Variants in CLYBL observed in about 807,000 individuals in gnomAD.
CLYBL encodes the protein citramalyl-CoA lyase, mitochondrial.
Under a neutral mutation model 38.9 loss-of-function variants are expected in CLYBL, and 31 were observed. That is an observed-to-expected ratio of 0.80 (90% confidence interval 0.60 to 1.08). CLYBL has a LOEUF of 1.08. CLYBL is among the 50% of genes least tolerant of loss of function. The pLI, the probability that CLYBL is intolerant of heterozygous loss-of-function variation, is 0.00. For missense variants in CLYBL, 434 were observed against 411.6 expected (o/e 1.05, Z -0.47); for synonymous variants, 171 against 158.6 (o/e 1.08, Z -0.59).
rs543321109 is a variant in CLYBL, at chr13:99,713,789, T to A, written c.63-59035T>A. The stretch of plus-strand genomic sequence containing the variant: ...GCCTCAACCTCCTGGGCTCAAATGA[T>A]CCTCCTGCCTCAGCCTCCCAAGTAG... On this transcript the variant is annotated intron_variant, in intron 1 of 8. Coordinates refer to ENST00000339105, the MANE Select transcript of CLYBL (RefSeq NM_206808.5). 1.5e-4 allele frequency among the ~76,000 whole-genome samples: 23 copies of A among 151,700 alleles called. No individual in the cohort carries two copies. The South Asian group carries it at 4.6e-3, about 30-fold the overall frequency.
chr13:99,729,935 T>TACCACC (rs2048552734), intron 1 of CLYBL, among the ~76,000 whole-genome samples: 1 of 96,984 alleles, frequency 1.0e-5, no homozygotes, highest in Non-Finnish European at 2.3e-5. Flanking sequence ...CTGGTGCACC[T>TACCACC]GCCACCGTCG....
At chr13:99,831,160 G>T (rs1041799674) in intron 2 of CLYBL, among the ~76,000 whole-genome samples, 2 of 152,184 alleles carry the variant, frequency 1.3e-5, no homozygotes, top group Admixed American at 6.5e-5. Context: ...AGGAGGATCC[G>T]CTAGAGAGGG....
At chr13:99,692,408 C>T (rs1455981555) in intron 1 of CLYBL, among the ~76,000 whole-genome samples, 1 of 152,034 alleles carries the variant, frequency 6.6e-6, no homozygotes, top group Non-Finnish European at 1.5e-5. Context: ...TCCCCGGCCT[C>T]AGCCTCCCTA....
At chr13:99,841,206 C>G (rs1157474100) in intron 2 of CLYBL, among the ~76,000 whole-genome samples, 1 of 152,084 alleles carries the variant, frequency 6.6e-6, no homozygotes, top group East Asian at 1.9e-4. Context: ...ATTCAGCAAC[C>G]TGAAGAGCAC....
chr13:99,806,736 T>C (rs536482299), intron 2 of CLYBL, among the ~76,000 whole-genome samples: 1 of 152,370 alleles, frequency 6.6e-6, no homozygotes, highest in East Asian at 1.9e-4. Context: ...TGTTATTATG[T>C]AGAGCCATTC....
At chr13:99,654,186 GA>G (rs2047295237) in intron 1 of CLYBL, among the ~76,000 whole-genome samples, 1 of 152,180 alleles carries the variant, frequency 6.6e-6, no homozygotes. Flanking sequence ...TTTGACCCAT[GA>G]ATACACTCAG....
chr13:99,686,463 C>T (rs549938860), intron 1 of CLYBL, among the ~76,000 whole-genome samples: 1 of 152,106 alleles, frequency 6.6e-6, no homozygotes, highest in African/African-American at 2.4e-5. Flanking sequence ...CTTTGAGAGA[C>T]ACTCTCGAGG....
chr13:99,799,398 C>CACACACACAT (rs1342567514), intron 2 of CLYBL, among the ~76,000 whole-genome samples: 12 of 152,160 alleles, frequency 7.9e-5, no homozygotes, highest in African/African-American at 2.7e-4. Flanking sequence ...CACACATACA[C>CACACACACAT]ACACACTTAA....
intron 2 of CLYBL, among the ~76,000 whole-genome samples, chr13:99,773,242 A>G (rs2049437675): frequency 6.6e-6 from 1 of 152,228 alleles, no homozygotes; most frequent in African/African-American, 2.4e-5. Context: ...AGTAGATGAG[A>G]CTATGTGTAT....
chr13:99,692,797 C>G (rs958137272), intron 1 of CLYBL, among the ~76,000 whole-genome samples: 1 of 152,158 alleles, frequency 6.6e-6, no homozygotes, highest in African/African-American at 2.4e-5. Context: ...TTTGTCTGTT[C>G]GGGACATTTC....
intron 1 of CLYBL, among the ~76,000 whole-genome samples, chr13:99,661,627 G>A (rs1438822453): frequency 4.6e-5 from 7 of 152,190 alleles, no homozygotes. Context: ...GATGCTCCAA[G>A]TATATTAAAC....
At chr13:99,628,936 G>A (rs1159041458) in intron 1 of CLYBL, among the ~76,000 whole-genome samples, 1 of 152,206 alleles carries the variant, frequency 6.6e-6, no homozygotes, top group Non-Finnish European at 1.5e-5. Flanking sequence ...GTAAATGTTT[G>A]TGTTAGTTGA....
At chr13:99,778,891 T>A (rs2049579147) in intron 2 of CLYBL, among the ~76,000 whole-genome samples, 1 of 152,234 alleles carries the variant, frequency 6.6e-6, no homozygotes, top group Admixed American at 6.5e-5. Flanking sequence ...TAAACAATTC[T>A]TTAAATTTAT....
intron 1 of CLYBL, among the ~76,000 whole-genome samples, chr13:99,715,812 A>G (rs933611649): frequency 2.0e-5 from 3 of 152,128 alleles, no homozygotes; most frequent in Admixed American, 6.5e-5. Context: ...CCGGGGCTGC[A>G]GGAAGTTAGT....
At chr13:99,616,861 C>T (rs2046719442) in intron 1 of CLYBL, among the ~76,000 whole-genome samples, 1 of 152,022 alleles carries the variant, frequency 6.6e-6, no homozygotes, top group African/African-American at 2.4e-5. Flanking sequence ...GAGACTGAGG[C>T]AGGAGAATTG....
chr13:99,626,667 A>T (rs1189898101), intron 1 of CLYBL, among the ~76,000 whole-genome samples: 1 of 152,138 alleles, frequency 6.6e-6, no homozygotes, highest in Non-Finnish European at 1.5e-5. Context: ...AGTTATTTGG[A>T]GCTTTCAGGT....
chr13:99,885,146 G>A, intron 7 of CLYBL: 2 of 518,770 alleles, frequency 3.9e-6, no homozygotes, highest in Non-Finnish European at 7.9e-6. Flanking sequence ...GCCTCACAGT[G>A]TTGTGAAAGA....
In CLYBL at chr13:99,606,692, G is replaced by C. The variant is rs1424873144; in HGVS notation, c.-4G>C. On this transcript the variant is annotated 5_prime_UTR_variant, in exon 1 of 9. Transcript: ENST00000339105. ...GCAAAGGGCGGGGCGCGCGCGTCGG[G>C]AAGATGGCGCTACGTCTGCTGCGGA... The C allele has an allele frequency of 1.3e-6, 2 of 1,489,866 alleles. No homozygotes were observed. Among genetic ancestry groups the C allele is most frequent in the Admixed American group, 2.2e-5 (1 of 45,684 alleles). 92.3% of individuals were successfully genotyped at this position (1,489,866 alleles called of 1,614,324 possible).
At chr13:99,759,729 G>T (rs893265448) in intron 1 of CLYBL, among the ~76,000 whole-genome samples, 1 of 152,056 alleles carries the variant, frequency 6.6e-6, no homozygotes, top group Non-Finnish European at 1.5e-5. Flanking sequence ...TTTACTCTTC[G>T]GGATGAGCTT....
Sources: gnomAD v4.1 joint callset for allele counts (sites outside exome capture counted in the v4.1 genomes callset) on GRCh38, gnomAD v4.1.1 for gene constraint, MANE v1.5 for transcripts, NCBI Gene and HGNC (gene_info 2026-07-23, HGNC 2026-07-21) for gene names.